The following GRIK2 variants were observed in gnomAD, a reference collection of about 807,000 sequenced individuals.
GRIK2 encodes glutamate receptor ionotropic, kainate 2.
Under a neutral mutation model 100.3 loss-of-function variants are expected in GRIK2, and 32 were observed. The observed-to-expected ratio is 0.32, with a 90% confidence interval of 0.24 to 0.43. The LOEUF is 0.43. GRIK2 is among the 20% of genes least tolerant of loss of function. GRIK2 has a pLI of 1.00. For synonymous variants in GRIK2, 417 were observed against 389.4 expected, an observed-to-expected ratio of 1.07 and a Z score of -0.83; for missense variants, 843 against 1,114.9, an observed-to-expected ratio of 0.76 and a Z score of 3.47.
Position 101,859,269 on chromosome 6 carries a change from CT to C in GRIK2, c.1318-13del. The C allele has an allele frequency of 7.3e-7, 1 of 1,376,946 alleles. No individual in the cohort carries two copies. The highest frequency in any genetic ancestry group is 1.0e-6 in the Non-Finnish European group (1 of 967,774). The allele number at this position is 1,376,946 out of a possible 1,614,324, so 85.3% of individuals were successfully genotyped here. A position where few individuals can be genotyped will look rare whatever the true frequency, so the allele number is the denominator to read the frequency against. On this transcript the variant is annotated splice_polypyrimidine_tract_variant and intron_variant, in intron 10 of 16. Coordinates refer to ENST00000369134, the MANE Select transcript of GRIK2 (RefSeq NM_021956.5). ...ATGATTAACTGTTACCTCTTTTCTT[CT>C]TTTTCAATGTTTTCAGGAAGAGCCT...
intron 2 of GRIK2, among the ~76,000 whole-genome samples, chr6:101,407,434 C>A (rs1015791370): frequency 1.3e-5 from 2 of 152,042 alleles, no homozygotes; most frequent in African/African-American, 4.8e-5. Context: ...TGCCAAAATT[C>A]AAAAAACTGA....
At chr6:101,834,767 G>A (rs1782955546) in intron 10 of GRIK2, among the ~76,000 whole-genome samples, 1 of 152,048 alleles carries the variant, frequency 6.6e-6, no homozygotes, top group East Asian at 1.9e-4. Flanking sequence ...GGCAGACATG[G>A]TGGTTGGGAT....
intron 7 of GRIK2, among the ~76,000 whole-genome samples, chr6:101,775,180 GGTT>G (rs1175663323): frequency 6.6e-6 from 1 of 152,120 alleles, no homozygotes; most frequent in Non-Finnish European, 1.5e-5. Flanking sequence ...TGTATTTACT[GGTT>G]GTTGTTCAAA....
At chr6:101,463,008 T>A (rs1299039010) in intron 2 of GRIK2, among the ~76,000 whole-genome samples, 1 of 152,204 alleles carries the variant, frequency 6.6e-6, no homozygotes, top group Non-Finnish European at 1.5e-5. Flanking sequence ...CTATATATAT[T>A]TTTATTGATG....
intron 7 of GRIK2, among the ~76,000 whole-genome samples, chr6:101,694,363 A>G (rs1044276338): frequency 6.6e-6 from 1 of 152,158 alleles, no homozygotes; most frequent in Non-Finnish European, 1.5e-5. Context: ...CATAATGTTC[A>G]ATGCTGTAAG....
intron 7 of GRIK2, among the ~76,000 whole-genome samples, chr6:101,723,146 C>T (rs535949472): frequency 2.6e-5 from 4 of 152,118 alleles, no homozygotes; most frequent in East Asian, 1.9e-4. Context: ...TCAGTATTGT[C>T]GTCTTCAAAT....
chr6:101,918,615 T>C (rs1789273576), intron 12 of GRIK2, among the ~76,000 whole-genome samples: 1 of 151,750 alleles, frequency 6.6e-6, no homozygotes, highest in Non-Finnish European at 1.5e-5. Context: ...TCATGCTGAG[T>C]TTTCCCGCCT....
intron 12 of GRIK2, among the ~76,000 whole-genome samples, chr6:101,921,759 A>C (rs1789535716): frequency 6.6e-6 from 1 of 152,010 alleles, no homozygotes; most frequent in African/African-American, 2.4e-5. Context: ...ACCTTTCCTC[A>C]CTATTAGAGG....
intron 12 of GRIK2, among the ~76,000 whole-genome samples, chr6:101,913,868 T>A (rs1357922848): frequency 6.6e-6 from 1 of 151,470 alleles, no homozygotes; most frequent in Non-Finnish European, 1.5e-5. Context: ...GTAGAAAAAA[T>A]GATATGACTC....
intron 4 of GRIK2, among the ~76,000 whole-genome samples, chr6:101,643,439 A>C (rs928169439): frequency 6.6e-6 from 1 of 151,388 alleles, no homozygotes. Flanking sequence ...TTGTATGTGG[A>C]TATCCAGTTT....
intron 2 of GRIK2, among the ~76,000 whole-genome samples, chr6:101,538,815 A>AT (rs1775848025): frequency 6.6e-6 from 1 of 151,596 alleles, no homozygotes; most frequent in Non-Finnish European, 1.5e-5. Flanking sequence ...AATATCTGAG[A>AT]TTTTTCTGAT....
At chr6:102,058,158 C>T (rs553795058) in intron 16 of GRIK2, among the ~76,000 whole-genome samples, 13 of 151,762 alleles carry the variant, frequency 8.6e-5, no homozygotes, top group Admixed American at 1.3e-4. Context: ...CTTCACGCTG[C>T]GAACCCCTAA....
Position 101,566,878 on chromosome 6 carries a change from A to G in GRIK2, c.116-55071A>G, listed in dbSNP as rs1371222072. 2.0e-5 allele frequency among the ~76,000 whole-genome samples: 3 copies of G among 150,502 alleles called. No homozygotes were observed. In the East Asian group the frequency reaches 5.8e-4, roughly 29 times the overall value. Reference sequence around the variant, plus strand: ...CATTTTATGATAGACATATATACATATATTCAGATATGTATACATATATAC... The same window carrying G: ...CATTTTATGATAGACATATATACATGTATTCAGATATGTATACATATATAC... On this transcript the variant is annotated intron_variant, in intron 2 of 16. Transcript: ENST00000369134.
At chr6:101,861,760 C>T (rs1431734063) in intron 11 of GRIK2, among the ~76,000 whole-genome samples, 1 of 152,078 alleles carries the variant, frequency 6.6e-6, no homozygotes, top group African/African-American at 2.4e-5. Context: ...ATTTGAATTA[C>T]ACATACAGGG....
Position 101,889,748 on chromosome 6 carries a change from C to A in GRIK2, c.1633C>A (p.Pro545Thr), listed in dbSNP as rs757765610. 1 of 1,610,646 alleles carries A rather than the reference C, an allele frequency of 6.2e-7. No homozygotes were observed. Among genetic ancestry groups the A allele is most frequent in the Admixed American group, 1.7e-5 (1 of 59,938 alleles). ...TGGAATAAGTATTTTGTACCGCAAG[C>A]CCAATGGTACAAACCCAGGCGTCTT... ...TLGISILYRK[P>T]NGTNPGVFSF... Residue 545 changes from proline to threonine, a missense_variant, in exon 12 of 17, where the codon CCC becomes ACC. Pro to Thr is a conservative substitution (Grantham distance 38). Coordinates refer to ENST00000369134, the MANE Select transcript of GRIK2 (RefSeq NM_021956.5).
At chr6:101,502,177 G>T in intron 2 of GRIK2, among the ~76,000 whole-genome samples, 1 of 152,080 alleles carries the variant, frequency 6.6e-6, no homozygotes, top group Non-Finnish European at 1.5e-5. Flanking sequence ...CTCCTACACT[G>T]TTGGTAAAAA....
Position 102,046,133 on chromosome 6 carries a change from G to A in GRIK2, c.2312-9197G>A, listed in dbSNP as rs1313161092. Reference sequence around the variant, plus strand: ...GATAAAGGAGGAAATAAATCAAGAGGACATAATAATTGTAAATATATATGC... The same window carrying A: ...GATAAAGGAGGAAATAAATCAAGAGAACATAATAATTGTAAATATATATGC... On this transcript the variant is annotated intron_variant, in intron 15 of 16. Coordinates refer to ENST00000369134, the MANE Select transcript of GRIK2 (RefSeq NM_021956.5). 4.0e-5 allele frequency among the ~76,000 whole-genome samples: 6 copies of A among 151,890 alleles called. No homozygotes were observed. The South Asian group carries it at 8.3e-4, about 21-fold the overall frequency.
At chr6:101,498,867 G>T (rs966554986) in intron 2 of GRIK2, among the ~76,000 whole-genome samples, 1 of 152,126 alleles carries the variant, frequency 6.6e-6, no homozygotes, top group African/African-American at 2.4e-5. Flanking sequence ...AAGCTCTTTA[G>T]TTTAATTAGA....
intron 10 of GRIK2, among the ~76,000 whole-genome samples, chr6:101,852,155 T>C (rs1200406334): frequency 1.3e-5 from 2 of 152,010 alleles, no homozygotes; most frequent in Admixed American, 6.6e-5. Flanking sequence ...GATTGGCAAA[T>C]TGTCGATCTT....
Sources: gnomAD v4.1 joint callset for allele counts (sites outside exome capture counted in the v4.1 genomes callset) on GRCh38, gnomAD v4.1.1 for gene constraint, MANE v1.5 for transcripts, NCBI Gene and HGNC (gene_info 2026-07-23, HGNC 2026-07-21) for gene names.